PFDN1: variants seen among roughly 807,000 people sequenced by gnomAD.
PFDN1 encodes prefoldin 1.
Under a neutral mutation model 17.3 loss-of-function variants are expected in PFDN1, and 6 were observed. The ratio of observed to expected loss-of-function variants is 0.35; its 90% confidence interval spans 0.19 to 0.69. PFDN1 has a LOEUF of 0.69. Among genes scored for constraint, PFDN1 ranks in the 30% least tolerant of loss-of-function variants. The pLI, the probability that PFDN1 is intolerant of heterozygous loss-of-function variation, is 0.65. For missense variants in PFDN1, 113 were observed against 146.2 expected (o/e 0.77, Z 1.17); for synonymous variants, 58 against 50.1 (o/e 1.16, Z -0.67).
intron 3 of PFDN1, among the ~76,000 whole-genome samples, chr5:140,268,693 C>T (rs1470192512): frequency 6.6e-6 from 1 of 152,096 alleles, no homozygotes; most frequent in East Asian, 1.9e-4. Context: ...AATCTAAACA[C>T]AGGAACATGC....
chr5:140,287,756 G>A (rs539683005), intron 2 of PFDN1, among the ~76,000 whole-genome samples: 11 of 152,186 alleles, frequency 7.2e-5, no homozygotes, highest in African/African-American at 2.2e-4. Flanking sequence ...GAAAACAAAC[G>A]ACCATATTTA....
rs1764807307 is a variant in PFDN1 at position 140,245,038 on chromosome 5, AGAGCACAGATC to A, written c.*925_*935del. 5.2e-6 allele frequency: 1 copy of A among 191,372 alleles called. No homozygotes were observed. Among genetic ancestry groups the A allele is most frequent in the Non-Finnish European group, 1.1e-5 (1 of 91,432 alleles). The allele number at this position is 191,372 out of a possible 1,614,324, so 11.9% of individuals were successfully genotyped here. On this transcript the variant is annotated 3_prime_UTR_variant, in exon 4 of 4. Transcript: ENST00000261813. ...CACAGATCACAGTCAGTGCACAGATAGAGCACAGATCGTGGTCAAATGTAGTAATTAGGGAT... is the reference window on the plus strand; with the variant it reads ...CACAGATCACAGTCAGTGCACAGATAGTGGTCAAATGTAGTAATTAGGGAT...
At chr5:140,301,326 T>A (rs1765742639) in intron 1 of PFDN1, among the ~76,000 whole-genome samples, 1 of 152,206 alleles carries the variant, frequency 6.6e-6, no homozygotes, top group African/African-American at 2.4e-5. Flanking sequence ...CATCATGATC[T>A]TCATCCACAG....
intron 3 of PFDN1, among the ~76,000 whole-genome samples, chr5:140,247,418 G>C (rs561971183): frequency 6.6e-6 from 1 of 152,264 alleles, no homozygotes; most frequent in East Asian, 1.9e-4. Context: ...GGCATTACAG[G>C]CGTGAGCCAC....
intron 3 of PFDN1, among the ~76,000 whole-genome samples, chr5:140,250,968 T>G (rs1433001994): frequency 6.6e-6 from 1 of 152,202 alleles, no homozygotes; most frequent in East Asian, 1.9e-4. Context: ...AGGGTCTTGC[T>G]CTGTTGCCTA....
chr5:140,250,856 A>C (rs1764902675), intron 3 of PFDN1, among the ~76,000 whole-genome samples: 1 of 152,246 alleles, frequency 6.6e-6, no homozygotes, highest in Non-Finnish European at 1.5e-5. Flanking sequence ...TTAAAACTCC[A>C]ACCTATCACT....
chr5:140,271,625 G>C (rs1335212518), intron 3 of PFDN1, among the ~76,000 whole-genome samples: 1 of 152,028 alleles, frequency 6.6e-6, no homozygotes. Context: ...TGGAGTGTGG[G>C]TGGAGGGTGG....
At chr5:140,262,180 A>G (rs1040342479) in intron 3 of PFDN1, among the ~76,000 whole-genome samples, 2 of 152,198 alleles carry the variant, frequency 1.3e-5, no homozygotes, top group African/African-American at 4.8e-5. Flanking sequence ...CAGGCCACTT[A>G]GAAGCCACTT....
chr5:140,273,857 C>T, intron 3 of PFDN1: 1 of 972,956 alleles, frequency 1.0e-6, no homozygotes, highest in Non-Finnish European at 1.2e-6. Context: ...AGCTGGTGAA[C>T]CTGTATATGC....
intron 3 of PFDN1, among the ~76,000 whole-genome samples, chr5:140,252,906 A>G (rs1195872470): frequency 6.6e-6 from 1 of 152,216 alleles, no homozygotes; most frequent in Non-Finnish European, 1.5e-5. Flanking sequence ...GAGGAGGGCC[A>G]ACAGAGGCAG....
At chr5:140,276,780 CAAAAAAAAAAAAA>C (rs35889345) in intron 3 of PFDN1, among the ~76,000 whole-genome samples, 1 of 46,728 alleles carries the variant, frequency 2.1e-5, no homozygotes, top group Non-Finnish European at 3.5e-5. Context: ...GACACCGTCT[CAAAAAAAAAAAAA>C]AAAAAAAAAA....
intron 3 of PFDN1, among the ~76,000 whole-genome samples, chr5:140,279,777 T>G (rs1013329039): frequency 6.6e-6 from 1 of 151,708 alleles, no homozygotes; most frequent in Non-Finnish European, 1.5e-5. Flanking sequence ...AGGCAGATCA[T>G]CTGAGGTCGG....
Position 140,264,249 on chromosome 5 carries a change from C to T in PFDN1, c.285+17200G>A, listed in dbSNP as rs546768115. Among the ~76,000 whole-genome samples the T allele has an allele frequency of 1.9e-4, 29 of 152,094 alleles. No individual in the cohort carries two copies. In the East Asian group the frequency reaches 5.4e-3, roughly 28 times the overall value. On this transcript the variant is annotated intron_variant, in intron 3 of 3. Transcript: ENST00000261813. ...GCCCTCATGATCCAATCACCTCCCA[C>T]CAGACCCCACCTCCAACACTGGGGA...
At chr5:140,301,817 T>C (rs911409106) in intron 1 of PFDN1, among the ~76,000 whole-genome samples, 5 of 152,172 alleles carry the variant, frequency 3.3e-5, no homozygotes, top group African/African-American at 1.2e-4. Context: ...AAGGTAAATT[T>C]TTAGAATGCA....
chr5:140,273,460 A>G (rs1367078731), intron 3 of PFDN1, among the ~76,000 whole-genome samples: 2 of 152,110 alleles, frequency 1.3e-5, no homozygotes, highest in African/African-American at 4.8e-5. Flanking sequence ...AGGCAGAGTA[A>G]AATTTCCTCA....
rs562965656 is a variant in PFDN1, at chr5:140,282,802, C to T, written c.201-1269G>A. 7.2e-5 allele frequency among the ~76,000 whole-genome samples: 11 copies of T among 152,232 alleles called. No individual in the cohort carries two copies. In the East Asian group the frequency reaches 1.5e-3, roughly 21 times the overall value. On this transcript the variant is annotated intron_variant, in intron 2 of 3. Coordinates refer to ENST00000261813, the MANE Select transcript of PFDN1 (RefSeq NM_002622.5). ...CCCTCCACTGGAACCAAGGGAAGAC[C>T]CCAGTTATGCAAATCTCTTTCAGGA...
chr5:140,259,771 G>A (rs1250101751), intron 3 of PFDN1, among the ~76,000 whole-genome samples: 1 of 152,202 alleles, frequency 6.6e-6, no homozygotes, highest in African/African-American at 2.4e-5. Context: ...ACATGCAGGT[G>A]TGTGTGGCTA....
chr5:140,292,435 T>C (rs974528798), intron 2 of PFDN1, among the ~76,000 whole-genome samples: 5 of 152,134 alleles, frequency 3.3e-5, no homozygotes, highest in African/African-American at 1.2e-4. Flanking sequence ...GATCCAAATC[T>C]TTTTACTCTG....
At chr5:140,290,019 G>T (rs920916899) in intron 2 of PFDN1, among the ~76,000 whole-genome samples, 1 of 152,050 alleles carries the variant, frequency 6.6e-6, no homozygotes, top group Admixed American at 6.6e-5. Context: ...ATATATCAAC[G>T]GTTTTCATAT....
Sources: allele counts gnomAD v4.1 joint callset (sites outside exome capture counted in the v4.1 genomes callset), GRCh38; gene constraint gnomAD v4.1.1; transcripts MANE v1.5; gene names NCBI Gene and HGNC (gene_info 2026-07-23, HGNC 2026-07-21).